Variants in PCDH15 observed in about 807,000 individuals in gnomAD.
The protein encoded by PCDH15 is protocadherin related 15.
PCDH15 carries 129 observed loss-of-function variants against 178.5 expected under a neutral mutation model. The observed-to-expected ratio is 0.72, with a 90% CI of 0.63 to 0.84. The LOEUF (loss-of-function observed/expected upper bound fraction) is 0.84. Ranked by LOEUF, PCDH15 falls within the 40% of genes least tolerant of loss-of-function variation. The pLI, the probability that PCDH15 is intolerant of heterozygous loss-of-function variation, is 0.00. For synonymous variants in PCDH15, 800 were observed against 732.0 expected (o/e 1.09, Z -1.50); for missense variants, 2,230 against 2,099.9 (o/e 1.06, Z -1.21).
intron 3 of PCDH15, among the ~76,000 whole-genome samples, chr10:54,825,022 C>A (rs541840631): frequency 3.9e-5 from 6 of 152,086 alleles, no homozygotes; most frequent in African/African-American, 7.2e-5. Context: ...ATCCCTCCCC[C>A]CTCCTCCCAC....
At chr10:54,084,919 TTAGAG>T (rs1284846375) in intron 16 of PCDH15, among the ~76,000 whole-genome samples, 1 of 152,118 alleles carries the variant, frequency 6.6e-6, no homozygotes, top group Admixed American at 6.6e-5. Flanking sequence ...TTTAAAGAGA[TTAGAG>T]TATACTTTAA....
At chr10:54,092,167 C>T (rs1214620072) in intron 15 of PCDH15, among the ~76,000 whole-genome samples, 1 of 152,154 alleles carries the variant, frequency 6.6e-6, no homozygotes, top group East Asian at 1.9e-4. Context: ...GGGCTCATAG[C>T]TACACTTTGA....
chr10:55,041,966 T>C (rs1460065008), intron 2 of PCDH15, among the ~76,000 whole-genome samples: 3 of 152,116 alleles, frequency 2.0e-5, no homozygotes, highest in East Asian at 3.9e-4. Flanking sequence ...TTTACTAGCA[T>C]ACCCAAAATA....
At chr10:55,463,973 GA>G (rs1839758651) in intron 2 of PCDH15, among the ~76,000 whole-genome samples, 1 of 11,746 alleles carries the variant, frequency 8.5e-5, no homozygotes, top group Non-Finnish European at 1.2e-4. Context: ...AAGAAAGAAA[GA>G]GAAAGAAAGA....
chr10:55,164,247 G>A (rs1047269282), intron 2 of PCDH15, among the ~76,000 whole-genome samples: 6 of 151,628 alleles, frequency 4.0e-5, no homozygotes, highest in Admixed American at 6.6e-5. Context: ...ACTTTATCTC[G>A]TATTTTCTCA....
rs140126539 is a variant in PCDH15 at position 54,385,060 on chromosome 10, T to C, written c.158-6118A>G. Among the ~76,000 whole-genome samples the C allele has an allele frequency of 8.5e-3, 1,291 of 152,230 alleles. 11 individuals carry two copies. Among genetic ancestry groups the C allele is most frequent in the African/African-American group, 0.018 (740 of 41,574 alleles). The stretch of plus-strand genomic sequence containing the variant: ...TCTGGTTGATCCAAATCCAAGTGTA[T>C]ATTCCAGGCAGAGAGAAAGGTCACA... On this transcript the variant is annotated intron_variant, in intron 3 of 37. Coordinates refer to ENST00000644397, the MANE Select transcript of PCDH15 (RefSeq NM_001384140.1).
intron 17 of PCDH15, among the ~76,000 whole-genome samples, chr10:54,074,925 G>A (rs973938804): frequency 6.6e-6 from 1 of 152,038 alleles, no homozygotes; most frequent in Admixed American, 6.6e-5. Flanking sequence ...TGGGTGTGAG[G>A]TGGCACCTCA....
chr10:53,912,215 A>G (rs1040200938), intron 25 of PCDH15, among the ~76,000 whole-genome samples: 1 of 152,192 alleles, frequency 6.6e-6, no homozygotes, highest in Non-Finnish European at 1.5e-5. Context: ...ATCTCAATAA[A>G]TGCAGAAAAG....
intron 13 of PCDH15, among the ~76,000 whole-genome samples, chr10:54,156,919 A>G (rs111809499): frequency 1.3e-5 from 2 of 152,286 alleles, no homozygotes; most frequent in African/African-American, 4.8e-5. Context: ...TCAAATATTA[A>G]AGCTCCAAAA....
chr10:54,990,651 T>C (rs945207937), intron 2 of PCDH15, among the ~76,000 whole-genome samples: 4 of 152,212 alleles, frequency 2.6e-5, no homozygotes, highest in African/African-American at 7.2e-5. Flanking sequence ...TAAACCATCA[T>C]TGCAAATTAG....
chr10:53,828,283 C>T (rs566321903), intron 31 of PCDH15, among the ~76,000 whole-genome samples: 2 of 147,396 alleles, frequency 1.4e-5, no homozygotes, highest in East Asian at 4.0e-4. Context: ...AGCTACACTG[C>T]TGTTTTTGGA....
intron 3 of PCDH15, among the ~76,000 whole-genome samples, chr10:54,470,417 G>A (rs2077828918): frequency 6.6e-6 from 1 of 152,112 alleles, no homozygotes; most frequent in Non-Finnish European, 1.5e-5. Flanking sequence ...GAGGTCAGTG[G>A]CGTTCTAGGA....
At chr10:54,827,266 C>T (rs1447888793) in intron 3 of PCDH15, among the ~76,000 whole-genome samples, 1 of 152,084 alleles carries the variant, frequency 6.6e-6, no homozygotes, top group Non-Finnish European at 1.5e-5. Flanking sequence ...GTCCACTAGC[C>T]AGAATACAAA....
At chr10:55,169,203 C>T (rs73263596) in intron 1 of PCDH15, among the ~76,000 whole-genome samples, 3 of 152,068 alleles carry the variant, frequency 2.0e-5, no homozygotes, top group African/African-American at 7.2e-5. Context: ...CAATTTCCCA[C>T]GGATTGCTTT....
chr10:54,011,623 T>C (rs2092589358), intron 20 of PCDH15, among the ~76,000 whole-genome samples: 2 of 152,236 alleles, frequency 1.3e-5, no homozygotes, highest in Admixed American at 1.3e-4. Flanking sequence ...AGAGTCTACC[T>C]ACTGGCCATT....
intron 7 of PCDH15, among the ~76,000 whole-genome samples, chr10:54,320,487 G>T (rs1490324732): frequency 6.6e-6 from 1 of 151,846 alleles, no homozygotes; most frequent in Non-Finnish European, 1.5e-5. Flanking sequence ...AATTTTGGTG[G>T]TTCACAAATT....
At position 55,059,563 on chromosome 10, in the gene PCDH15, T is replaced by G. The variant is rs1591867283; in HGVS notation, c.-80+107013A>C. Among the ~76,000 whole-genome samples the G allele has an allele frequency of 2.0e-5, 3 of 152,190 alleles. No homozygotes were observed. The South Asian group carries it at 6.2e-4, about 31-fold the overall frequency. On this transcript the variant is annotated intron_variant, in intron 2 of 5. Coordinates refer to the PCDH15 transcript ENST00000458638. Reference sequence around the variant, plus strand: ...ATGAACAATAGATAAATAATTAAAATGTATATCTGCAAAGTCACAAAGGCT... The same window carrying G: ...ATGAACAATAGATAAATAATTAAAAGGTATATCTGCAAAGTCACAAAGGCT...
chr10:55,373,059 T>C (rs961413613), intron 2 of PCDH15, among the ~76,000 whole-genome samples: 2 of 152,128 alleles, frequency 1.3e-5, no homozygotes, highest in African/African-American at 2.4e-5. Flanking sequence ...GAAAGAATTC[T>C]TAGTCCAGCA....
chr10:55,587,587 C>A (rs1334964467), intron 2 of PCDH15, among the ~76,000 whole-genome samples: 1 of 151,968 alleles, frequency 6.6e-6, no homozygotes, highest in Non-Finnish European at 1.5e-5. Flanking sequence ...ACCAATACAT[C>A]AAAATCTTCT....
Sources: allele counts gnomAD v4.1 joint callset (sites outside exome capture counted in the v4.1 genomes callset), GRCh38; gene constraint gnomAD v4.1.1; transcripts MANE v1.5; gene names NCBI Gene and HGNC (gene_info 2026-07-23, HGNC 2026-07-21).